Variants in DNAJC18 observed in about 807,000 individuals in gnomAD.
The protein encoded by DNAJC18 is dnaJ homolog subfamily C member 18.
A neutral mutation model predicts 48.6 loss-of-function variants in DNAJC18; 40 were observed. That is an observed-to-expected ratio of 0.82 (90% CI 0.64 to 1.07). DNAJC18 has a LOEUF of 1.07. Among genes scored for constraint, DNAJC18 ranks in the 50% least tolerant of loss-of-function variants. The pLI, the probability that DNAJC18 is intolerant of heterozygous loss-of-function variation, is 0.00. For synonymous variants in DNAJC18, 135 were observed against 152.2 expected (o/e 0.89, Z 0.83); for missense variants, 340 against 427.7 (o/e 0.79, Z 1.81).
chr5:139,415,280 G>T (rs747445524), intron 7 of DNAJC18, among the ~76,000 whole-genome samples: 1 of 152,152 alleles, frequency 6.6e-6, no homozygotes, highest in Non-Finnish European at 1.5e-5. Flanking sequence ...GCCTGGAAAC[G>T]GAATTATTAT....
intron 5 of DNAJC18, among the ~76,000 whole-genome samples, chr5:139,423,845 C>A (rs1287397428): frequency 1.3e-5 from 2 of 152,164 alleles, no homozygotes; most frequent in African/African-American, 4.8e-5. Flanking sequence ...TTTACTCTCT[C>A]TGCTGAGCAG....
chr5:139,436,015 T>C (rs1750648542), intron 2 of DNAJC18, among the ~76,000 whole-genome samples: 2 of 151,738 alleles, frequency 1.3e-5, no homozygotes, highest in Non-Finnish European at 2.9e-5. Flanking sequence ...TGAGTCACCA[T>C]GTCCAGCTAG....
In DNAJC18 at chr5:139,414,079, A is replaced by G. The variant is rs752773591; in HGVS notation, c.*69T>C. 6.4e-7 allele frequency: 1 copy of G among 1,568,290 alleles called. No individual in the cohort carries two copies. The highest frequency in any genetic ancestry group is 8.6e-7 in the Non-Finnish European group (1 of 1,161,162). The stretch of plus-strand genomic sequence containing the variant: ...TCATCATTACCTAGTTTTGTATTAT[A>G]AAATGGAATCAGGAACATAAATAGG... On this transcript the variant is annotated 3_prime_UTR_variant, in exon 8 of 8. Coordinates refer to ENST00000302060, the MANE Select transcript of DNAJC18 (RefSeq NM_152686.4).
At chr5:139,426,492 G>A (rs1391131659) in intron 3 of DNAJC18, 135 bp from the exon 4 acceptor site, 1 of 1,053,034 alleles carries the variant, frequency 9.5e-7, no homozygotes, top group East Asian at 2.5e-5. Flanking sequence ...AGATGCTTGG[G>A]CCTAGAAAGT....
intron 2 of DNAJC18, among the ~76,000 whole-genome samples, chr5:139,433,285 A>G (rs1367607631): frequency 1.3e-5 from 2 of 152,172 alleles, no homozygotes; most frequent in African/African-American, 4.8e-5. Context: ...CTCTACTAAA[A>G]ATACAAAAAT....
rs70982777 is a variant in DNAJC18 at position 139,424,717 on chromosome 5, CAAAAAAAAAAAAAAAAAA to C, written c.669+270_669+287del. ...CCTGAGTGACAGTGAGACCCTCTCT[CAAAAAAAAAAAAAAAAAA>C]AAAAAAAAAAAAAAAGCCTTGATGA... On this transcript the variant is annotated intron_variant, in intron 5 of 7. Transcript: ENST00000302060. Among the ~76,000 whole-genome samples, 14 of 23,122 alleles carry C rather than the reference CAAAAAAAAAAAAAAAAAA, an allele frequency of 6.1e-4. No homozygotes were observed. The Admixed American group carries it at 6.5e-3, about 11-fold the overall frequency. 15.2% of individuals were successfully genotyped at this position (23,122 alleles called of 152,430 possible). A position where few individuals can be genotyped will look rare whatever the true frequency, so the allele number is the denominator to read the frequency against.
rs974514348 is a variant in DNAJC18, at chr5:139,412,445, G to T, written c.*1703C>A. 8 of 307,914 alleles carry T rather than the reference G, an allele frequency of 2.6e-5. No individual in the cohort carries two copies. The highest frequency in any genetic ancestry group is 4.7e-5 in the Non-Finnish European group (8 of 169,766). 19.1% of individuals were successfully genotyped at this position (307,914 alleles called of 1,614,324 possible). A position where few individuals can be genotyped will look rare whatever the true frequency, so the allele number is the denominator to read the frequency against. On this transcript the variant is annotated 3_prime_UTR_variant, in exon 8 of 8. Transcript: ENST00000302060. ...CTGGCTAATTTTTGTATTATTAGTA[G>T]AGATGGGGTTTCACTGTGTTGGCCA... is the stretch of plus-strand genomic sequence containing the variant.
rs1438818286 is a variant in DNAJC18 at position 139,435,730 on chromosome 5, T to TTTTTTTTTTTTC, written c.227+1641_227+1642insGAAAAAAAAAAA. 3.9e-4 allele frequency among the ~76,000 whole-genome samples: 52 copies of TTTTTTTTTTTTC among 131,912 alleles called. 7 individuals carry two copies. In the East Asian group the frequency reaches 0.012, roughly 31 times the overall value. 86.5% of individuals were successfully genotyped at this position (131,912 alleles called of 152,430 possible). ...GTTTTTTTTTTTTTTTTTTTTTTTT[T>TTTTTTTTTTTTC]TTCAGACAAGGTCTCCCTCTGTCAC... On this transcript the variant is annotated intron_variant, in intron 2 of 7. Coordinates refer to ENST00000302060, the MANE Select transcript of DNAJC18 (RefSeq NM_152686.4).
At chr5:139,426,073 A>G (rs973123622) in intron 4 of DNAJC18, 99 bp downstream of exon 4, 9 of 1,306,898 alleles carry the variant, frequency 6.9e-6, no homozygotes, top group African/African-American at 5.9e-5. Context: ...TGCTGTTTCC[A>G]TCATACCATT....
At chr5:139,422,872 G>A in intron 5 of DNAJC18, 55 bp from the exon 6 acceptor site, 1 of 1,237,936 alleles carries the variant, frequency 8.1e-7, no homozygotes, top group Non-Finnish European at 1.1e-6. Context: ...TTTTTTTTCT[G>A]TCGCCCAGGC....
chr5:139,425,244 A>G, intron 4 of DNAJC18, 130 bp from the exon 5 acceptor site: 2 of 587,006 alleles, frequency 3.4e-6, no homozygotes, highest in Non-Finnish European at 2.9e-6. Flanking sequence ...GCTCACTGCA[A>G]CCTCTGCTTC....
intron 5 of DNAJC18, among the ~76,000 whole-genome samples, chr5:139,424,301 G>T (rs769881108): frequency 2.2e-4 from 33 of 152,162 alleles, no homozygotes; most frequent in Non-Finnish European, 3.4e-4. Flanking sequence ...CAGTATCCCA[G>T]TTCCTTGTTC....
At chr5:139,425,141 T>C in intron 4 of DNAJC18, 27 bp from the exon 5 acceptor site, 1 of 1,584,008 alleles carries the variant, frequency 6.3e-7, no homozygotes, top group Non-Finnish European at 8.7e-7. Context: ...TGGTATGGGA[T>C]ATGGCAAACA....
intron 7 of DNAJC18, 120 bp from the exon 8 acceptor site, chr5:139,414,392 A>G: frequency 7.4e-7 from 1 of 1,360,482 alleles, no homozygotes; most frequent in Non-Finnish European, 9.8e-7. Flanking sequence ...ATTAAATATA[A>G]GAAACATTTA....
At chr5:139,417,439 T>C (rs569682149) in intron 7 of DNAJC18, among the ~76,000 whole-genome samples, 1 of 152,318 alleles carries the variant, frequency 6.6e-6, no homozygotes, top group African/African-American at 2.4e-5. Flanking sequence ...TGTTCTCAAA[T>C]GGCACTTGGG....
chr5:139,433,633 GTAC>G (rs1206854359), intron 2 of DNAJC18, among the ~76,000 whole-genome samples: 1 of 152,112 alleles, frequency 6.6e-6, no homozygotes, highest in Non-Finnish European at 1.5e-5. Context: ...CAGTAGTACA[GTAC>G]TACTGTTAAT....
rs766015799 is a variant in DNAJC18, at chr5:139,414,165, G to A, written c.1060C>T (p.Leu354=). ...NCEKLSKLIG[L]RRGG is the part of the protein sequence containing the mutation. ...TTATCCTCTCAGCCACCTCTGCGTA[G>A]GCCAATGAGTTTGGAAAGTTTCTCA... Residue 354 remains leucine, a synonymous_variant, in exon 8 of 8, where the codon CTA becomes TTA. Transcript: ENST00000302060. 31 of 1,614,040 alleles carry A rather than the reference G, an allele frequency of 1.9e-5. No individual in the cohort carries two copies. In the Middle Eastern group the frequency reaches 9.9e-4, roughly 51 times the overall value.
intron 1 of DNAJC18, among the ~76,000 whole-genome samples, chr5:139,438,684 T>A (rs1342325822): frequency 3.3e-5 from 5 of 152,230 alleles, no homozygotes. Context: ...CCTGGCTAAC[T>A]CCGACGCATC....
chr5:139,419,640 T>G (rs920666525), intron 7 of DNAJC18, among the ~76,000 whole-genome samples: 1 of 151,940 alleles, frequency 6.6e-6, no homozygotes, highest in Non-Finnish European at 1.5e-5. Flanking sequence ...AAAGGGGCAC[T>G]GACTGGTGAG....
Sources: allele counts gnomAD v4.1 joint callset (sites outside exome capture counted in the v4.1 genomes callset), GRCh38; gene constraint gnomAD v4.1.1; transcripts MANE v1.5; gene names NCBI Gene and HGNC (gene_info 2026-07-23, HGNC 2026-07-21).